ZC3H15: variants seen among roughly 807,000 people sequenced by gnomAD.
The protein encoded by ZC3H15 is zinc finger CCCH domain-containing protein 15.
In ZC3H15, 15 loss-of-function variants were observed where a neutral mutation model predicts 51.2. The observed-to-expected ratio is 0.29, with a 90% confidence interval of 0.20 to 0.45. ZC3H15 has a LOEUF of 0.45. Ranked by LOEUF, ZC3H15 falls within the 20% of genes least tolerant of loss-of-function variation. The pLI is 1.00. For missense variants in ZC3H15, 381 were observed against 494.7 expected (o/e 0.77, Z 2.18); for synonymous variants, 144 against 162.8 (o/e 0.88, Z 0.88).
At chr2:186,495,139 A>T in intron 1 of ZC3H15, 94 bp from the exon 2 acceptor site, 1 of 711,862 alleles carries the variant, frequency 1.4e-6, no homozygotes, top group Non-Finnish European at 2.2e-6. Context: ...AGTAAAGAAT[A>T]ATTATCAATA....
intron 1 of ZC3H15, among the ~76,000 whole-genome samples, chr2:186,494,650 A>G (rs1685253328): frequency 1.3e-5 from 2 of 152,208 alleles, no homozygotes; most frequent in African/African-American, 4.8e-5. Flanking sequence ...TAGAACTGAT[A>G]TCCAAAATAT....
At position 186,486,440 on chromosome 2, in the gene ZC3H15, AAGG is replaced by A. The variant is rs1559005878; in HGVS notation, c.61_63del (p.Glu21del). ...CAGCAAAAAGGCGGAGCAAAAAAAG[AAGG>A]AGAAGATTATCGAAGTGAGTACCCA... On this transcript the variant is annotated inframe_deletion, in exon 1 of 10. Coordinates refer to ENST00000337859, the MANE Select transcript of ZC3H15 (RefSeq NM_018471.3). The A allele has an allele frequency of 1.3e-6, 2 of 1,569,574 alleles. No homozygotes were observed. Among genetic ancestry groups the A allele is most frequent in the Non-Finnish European group, 1.7e-6 (2 of 1,155,830 alleles).
At chr2:186,494,021 G>T (rs1223019598) in intron 1 of ZC3H15, among the ~76,000 whole-genome samples, 1 of 151,046 alleles carries the variant, frequency 6.6e-6, no homozygotes, top group East Asian at 1.9e-4. Context: ...ACACACGCTT[G>T]CTCATACTTG....
At chr2:186,496,539 C>G (rs192344831) in intron 2 of ZC3H15, among the ~76,000 whole-genome samples, 14 of 152,302 alleles carry the variant, frequency 9.2e-5, no homozygotes, top group Middle Eastern at 3.4e-3. Context: ...CTGCTTACAC[C>G]AGCATCATTT....
chr2:186,493,921 C>A (rs1382747851), intron 1 of ZC3H15, among the ~76,000 whole-genome samples: 1 of 149,378 alleles, frequency 6.7e-6, no homozygotes, highest in Non-Finnish European at 1.5e-5. Context: ...AGACCTACGT[C>A]CAAATAAAGT....
In ZC3H15 at chr2:186,500,254, CT is replaced by C; in HGVS notation, c.251del (p.Leu84ArgfsTer5). On this transcript the variant is annotated frameshift_variant, in exon 3 of 10. Coordinates refer to ENST00000337859, the MANE Select transcript of ZC3H15 (RefSeq NM_018471.3). LOFTEE classifies it high-confidence loss of function. ...GAAAGAATTGCAGGAGCTAAATGAGCTGTTCAAACCTGTAGTTGCTGCTCAA... is the reference window on the plus strand; with the variant it reads ...GAAAGAATTGCAGGAGCTAAATGAGCGTTCAAACCTGTAGTTGCTGCTCAA... ...KKKELQELNE[L>X]FKPVVAAQKI... 1 of 1,610,584 alleles carries C rather than the reference CT, an allele frequency of 6.2e-7. No individual in the cohort carries two copies. Among genetic ancestry groups the C allele is most frequent in the Non-Finnish European group, 8.5e-7 (1 of 1,179,164 alleles).
chr2:186,502,552 G>A lies in ZC3H15; in HGVS notation c.499G>A (p.Gly167Ser), dbSNP rs1361480357. 9 of 1,612,750 alleles carry A rather than the reference G, an allele frequency of 5.6e-6. No individual in the cohort carries two copies. Among genetic ancestry groups the A allele is most frequent in the South Asian group, 1.1e-5 (1 of 90,834 alleles). ...GGAAGAAGTAGTGAACAAGAAGCAC[G>A]GTGAGGCGGAAAAGAAAAAACCAAA... is the stretch of plus-strand genomic sequence containing the variant. Reference protein sequence around the residue: ...KLEEVVNKKHGEAEKKKPKTQ... With the variant: ...KLEEVVNKKHSEAEKKKPKTQ... Residue 167 changes from glycine (G) to serine (S), a missense_variant, in exon 5 of 10, where the codon GGT (glycine) becomes AGT (serine). By Grantham distance (56) the Gly-to-Ser change is moderately conservative. Around this residue, in one of 3 missense-constraint regions of ZC3H15, gnomAD observed 41 missense variants for 86.5 expected, o/e 0.47. Coordinates refer to ENST00000337859, the MANE Select transcript of ZC3H15 (RefSeq NM_018471.3).
chr2:186,506,890 G>A (rs1436111932), intron 9 of ZC3H15, 54 bp downstream of exon 9: 1 of 1,558,380 alleles, frequency 6.4e-7, no homozygotes, highest in Non-Finnish European at 8.7e-7. Flanking sequence ...ATCTAAAGGG[G>A]GTTATACCAG....
intron 3 of ZC3H15, chr2:186,500,760 C>T (rs1381570478): frequency 6.7e-6 from 3 of 450,518 alleles, no homozygotes; most frequent in African/African-American, 4.0e-5. Flanking sequence ...CTGCAACCTC[C>T]GACTGTCTGG....
rs769076277 is a variant in ZC3H15, at chr2:186,505,487, C to A, written c.754C>A (p.Leu252Ile). 2.5e-6 allele frequency: 4 copies of A among 1,585,626 alleles called. No individual in the cohort carries two copies. The highest frequency in any genetic ancestry group is 3.4e-6 in the Non-Finnish European group (4 of 1,170,354). ...ALGPNVTKITLESFLAWKKRK... is the reference protein window; with the variant it reads ...ALGPNVTKITIESFLAWKKRK... Reference sequence around the variant, plus strand: ...AGGTCCAAATGTTACCAAAATCACTCTAGAATCTTTTCTTGCCTGGAAGAA... The same window carrying A: ...AGGTCCAAATGTTACCAAAATCACTATAGAATCTTTTCTTGCCTGGAAGAA... The change falls in exon 7 of 10, where the codon CTA becomes ATA. Residue 252 changes from leucine (L) to isoleucine (I), a missense_variant. Leu to Ile is a conservative substitution (Grantham distance 5). This residue lies in a region of ZC3H15 where 215 missense variants were observed against 241.8 expected (regional missense o/e 0.89). Transcript: ENST00000337859.
At chr2:186,507,838 T>G (rs1391342911) in intron 9 of ZC3H15, among the ~76,000 whole-genome samples, 1 of 152,220 alleles carries the variant, frequency 6.6e-6, no homozygotes, top group Non-Finnish European at 1.5e-5. Context: ...TTTGTAGAAG[T>G]AGGGGCTTTG....
intron 2 of ZC3H15, among the ~76,000 whole-genome samples, chr2:186,495,787 T>A (rs1176796125): frequency 6.6e-6 from 1 of 152,244 alleles, no homozygotes; most frequent in Non-Finnish European, 1.5e-5. Context: ...CTGTAGTACT[T>A]CACATTTTCA....
intron 2 of ZC3H15, among the ~76,000 whole-genome samples, chr2:186,496,959 A>G (rs1685291634): frequency 1.3e-5 from 2 of 152,128 alleles, no homozygotes; most frequent in African/African-American, 4.8e-5. Context: ...CCAAAATGGT[A>G]TACCTTTTCT....
intron 1 of ZC3H15, among the ~76,000 whole-genome samples, chr2:186,487,931 T>A (rs1685129461): frequency 6.6e-6 from 1 of 152,216 alleles, no homozygotes; most frequent in Non-Finnish European, 1.5e-5. Context: ...GTGTGAAAGT[T>A]GTTTATAGTA....
chr2:186,501,450 TA>T, intron 4 of ZC3H15, 25 bp downstream of exon 4: 2 of 1,590,876 alleles, frequency 1.3e-6, no homozygotes, highest in Non-Finnish European at 1.7e-6. Flanking sequence ...AACACTCTCT[TA>T]AAAATAAATG....
chr2:186,495,778 TGTA>T (rs1454632006), intron 2 of ZC3H15, among the ~76,000 whole-genome samples: 1 of 152,258 alleles, frequency 6.6e-6, no homozygotes, highest in Non-Finnish European at 1.5e-5. Context: ...CCATAGAGGC[TGTA>T]GTACTTCACA....
At chr2:186,503,956 G>T in intron 5 of ZC3H15, 76 bp from the exon 6 acceptor site, 1 of 1,225,002 alleles carries the variant, frequency 8.2e-7, no homozygotes, top group Non-Finnish European at 1.1e-6. Flanking sequence ...GTGTATACTT[G>T]TTCCATATAC....
Position 186,509,029 on chromosome 2 carries a change from G to C in ZC3H15, c.*296G>C. On this transcript the variant is annotated 3_prime_UTR_variant, in exon 10 of 10. Coordinates refer to ENST00000337859, the MANE Select transcript of ZC3H15 (RefSeq NM_018471.3). ...AAGTGTATCTGCCTTTCCATCTTTT[G>C]GTTTTCATTTGGGCATGTGCTATTA... The C allele has an allele frequency of 5.9e-6, 3 of 511,744 alleles. No individual in the cohort carries two copies. Among genetic ancestry groups the C allele is most frequent in the Non-Finnish European group, 1.1e-5 (3 of 264,216 alleles). 31.7% of individuals were successfully genotyped at this position (511,744 alleles called of 1,614,324 possible).
intron 6 of ZC3H15, 86 bp from the exon 7 acceptor site, chr2:186,505,365 G>T: frequency 7.0e-7 from 1 of 1,428,190 alleles, no homozygotes; most frequent in Non-Finnish European, 9.3e-7. Context: ...CATGGGCAAG[G>T]AATTAATCAC....
Sources: allele counts gnomAD v4.1 joint callset (sites outside exome capture counted in the v4.1 genomes callset), GRCh38; gene constraint gnomAD v4.1.1; regional missense constraint gnomAD v4.1.1; transcripts MANE v1.5; gene names NCBI Gene and HGNC (gene_info 2026-07-23, HGNC 2026-07-21).